Variants in TUSC3 observed in about 807,000 individuals in gnomAD.
TUSC3 encodes tumor suppressor candidate 3.
TUSC3 carries 45 observed loss-of-function variants against 44.8 expected under a neutral mutation model. The observed-to-expected ratio is 1.00, with a 90% CI of 0.79 to 1.29. The LOEUF (loss-of-function observed/expected upper bound fraction) is 1.29, where lower values mean the gene tolerates loss of function less well. TUSC3 is among the 50% of genes most tolerant of loss of function. The pLI, the probability that TUSC3 is intolerant of heterozygous loss-of-function variation, is 0.00. For synonymous variants in TUSC3, 212 were observed against 152.9 expected (o/e 1.39, Z -2.85); for missense variants, 519 against 437.9 (o/e 1.19, Z -1.65).
At chr8:15,605,375 A>C (rs906262415) in intron 1 of TUSC3, among the ~76,000 whole-genome samples, 3 of 151,942 alleles carry the variant, frequency 2.0e-5, no homozygotes, top group African/African-American at 7.2e-5. Context: ...ACCACAGGTA[A>C]AAATTTCAAA....
chr8:15,759,510 G>A (rs1812083379), intron 10 of TUSC3, among the ~76,000 whole-genome samples: 2 of 151,896 alleles, frequency 1.3e-5, no homozygotes, highest in Non-Finnish European at 2.9e-5. Flanking sequence ...CAAACAGCAA[G>A]CCATTATTTG....
rs578000125 is a variant in TUSC3 at position 15,704,585 on chromosome 8, G to C, written c.799-26081G>C. 6.6e-5 allele frequency among the ~76,000 whole-genome samples: 10 copies of C among 152,152 alleles called. No individual in the cohort carries two copies. The South Asian group carries it at 2.1e-3, about 32-fold the overall frequency. ...TCGGTTTATGACAACTACTAAACTA[G>C]ACTGTAACGCTGGTTCTCCACAGAA... is the stretch of plus-strand genomic sequence containing the variant. On this transcript the variant is annotated intron_variant, in intron 6 of 10. Transcript: ENST00000503731.
chr8:15,785,516 T>C, the TUSC3 span, among the ~76,000 whole-genome samples: 1 of 151,980 alleles, frequency 6.6e-6, no homozygotes, highest in Non-Finnish European at 1.5e-5. Flanking sequence ...CTGACCTTCT[T>C]TGGAAAACAG....
chr8:15,502,031 C>G (rs958398511), intron 2 of TUSC3, among the ~76,000 whole-genome samples: 29 of 152,150 alleles, frequency 1.9e-4, no homozygotes, highest in African/African-American at 7.0e-4. Context: ...TTTTAATCAT[C>G]TATTGGTTTC....
chr8:15,585,476 A>G (rs73540531), intron 1 of TUSC3, among the ~76,000 whole-genome samples: 5,729 of 152,282 alleles, frequency 0.038, 123 homozygotes, highest in African/African-American at 0.064. Context: ...TCTGCTGTGA[A>G]GAGGGGACCT....
At chr8:15,521,642 C>G (rs1370219919) in intron 2 of TUSC3, among the ~76,000 whole-genome samples, 1 of 152,070 alleles carries the variant, frequency 6.6e-6, no homozygotes, top group Non-Finnish European at 1.5e-5. Context: ...CGTGCATAAA[C>G]TTTAAGAAAG....
chr8:15,789,639 T>C, the TUSC3 span, among the ~76,000 whole-genome samples: 1 of 152,112 alleles, frequency 6.6e-6, no homozygotes, highest in East Asian at 1.9e-4. Context: ...TATGCAGATA[T>C]ATATATATAT....
At chr8:15,651,222 A>G (rs1765602172) in intron 3 of TUSC3, among the ~76,000 whole-genome samples, 1 of 152,180 alleles carries the variant, frequency 6.6e-6, no homozygotes, top group Non-Finnish European at 1.5e-5. Context: ...CATTGGTCTT[A>G]TTCTGGCATT....
the TUSC3 span, among the ~76,000 whole-genome samples, chr8:15,847,838 A>G: frequency 6.6e-6 from 1 of 152,170 alleles, no homozygotes; most frequent in South Asian, 2.1e-4. Context: ...ACAGGCTGTG[A>G]GTGAACGTTT....
At chr8:15,835,988 A>T in the TUSC3 span, among the ~76,000 whole-genome samples, 5 of 152,218 alleles carry the variant, frequency 3.3e-5, no homozygotes, top group East Asian at 9.7e-4. Flanking sequence ...CAGTCATTGC[A>T]AATTCCACTC....
At chr8:15,479,631 C>G (rs955313646) in intron 1 of TUSC3, among the ~76,000 whole-genome samples, 1 of 152,058 alleles carries the variant, frequency 6.6e-6, no homozygotes. Flanking sequence ...CTATTCTGTT[C>G]CATTGGTCTC....
At chr8:15,812,210 A>G in the TUSC3 span, among the ~76,000 whole-genome samples, 2 of 152,210 alleles carry the variant, frequency 1.3e-5, no homozygotes, top group Admixed American at 6.5e-5. Context: ...ATAAGTACTC[A>G]ATGTAAAAAT....
At chr8:15,535,587 CTT>C (rs60007364), upstream of TUSC3, among the ~76,000 whole-genome samples, 31,566 of 152,024 alleles carry the variant, frequency 0.21, 3,240 homozygotes, top group Middle Eastern at 0.27. Flanking sequence ...AGGGGGATGA[CTT>C]TGAGTCAGCT....
intron 2 of TUSC3, among the ~76,000 whole-genome samples, chr8:15,507,684 G>C (rs1317219223): frequency 6.6e-6 from 1 of 152,048 alleles, no homozygotes; most frequent in East Asian, 1.9e-4. Context: ...ACAAAAATAT[G>C]TTATGAGCAC....
At chr8:15,769,164 T>A (rs556651589), downstream of TUSC3, among the ~76,000 whole-genome samples, 1 of 152,178 alleles carries the variant, frequency 6.6e-6, no homozygotes, top group African/African-American at 2.4e-5. Context: ...TCACTCTACC[T>A]GACTTCAAAC....
At chr8:15,612,730 C>T (rs945252313) in intron 1 of TUSC3, among the ~76,000 whole-genome samples, 6 of 152,060 alleles carry the variant, frequency 3.9e-5, no homozygotes, top group African/African-American at 1.4e-4. Context: ...TATAAAGTAA[C>T]AAGGATGGGG....
chr8:15,709,415 C>T (rs1015727101), intron 6 of TUSC3, among the ~76,000 whole-genome samples: 4 of 151,826 alleles, frequency 2.6e-5, no homozygotes, highest in Non-Finnish European at 1.5e-5. Flanking sequence ...CGTATTTCCT[C>T]GTTCTCCTTT....
chr8:15,645,331 G>T (rs1238035218), intron 2 of TUSC3, among the ~76,000 whole-genome samples: 2 of 152,104 alleles, frequency 1.3e-5, no homozygotes. Context: ...AGACAGGGTA[G>T]TCTTTGTTTA....
chr8:15,502,204 A>G (rs1483966102), intron 2 of TUSC3, among the ~76,000 whole-genome samples: 1 of 152,138 alleles, frequency 6.6e-6, no homozygotes, highest in Non-Finnish European at 1.5e-5. Flanking sequence ...TCTTTGCGCA[A>G]GTTTTTGCTG....
Sources: gnomAD v4.1 joint callset for allele counts (sites outside exome capture counted in the v4.1 genomes callset) on GRCh38, gnomAD v4.1.1 for gene constraint, MANE v1.5 for transcripts, NCBI Gene and HGNC (gene_info 2026-07-23, HGNC 2026-07-21) for gene names.